The following THOC5 variants were observed in gnomAD, a reference collection of about 807,000 sequenced individuals.
The protein encoded by THOC5 is Fms-interacting protein.
THOC5 carries 43 observed loss-of-function variants against 92.9 expected under a neutral mutation model. The ratio of observed to expected loss-of-function variants is 0.46; its 90% CI spans 0.36 to 0.60. The LOEUF is 0.60. Among genes scored for constraint, THOC5 ranks in the 20% least tolerant of loss-of-function variants. The pLI, the probability that THOC5 is intolerant of heterozygous loss-of-function variation, is 0.00. For synonymous variants in THOC5, 296 were observed against 320.1 expected (o/e 0.92, Z 0.80); for missense variants, 659 against 849.4 (o/e 0.78, Z 2.79).
rs146208331 is a variant in THOC5, at chr22:29,547,948, C to T, written c.96+1104G>A. 5.8e-3 allele frequency among the ~76,000 whole-genome samples: 876 copies of T among 152,244 alleles called. 6 individuals are homozygous for T. The highest frequency in any genetic ancestry group is 8.8e-3 in the Non-Finnish European group (597 of 68,026). On this transcript the variant is annotated intron_variant, in intron 2 of 19. Transcript: ENST00000490103. ...TAACAGTTCCACATGGCTGGTGAGG[C>T]CTCAGGAACATGGCAGGAGGTGAAA...
rs1405370328 is a variant in THOC5, at chr22:29,508,117, A to G, written c.*340T>C. 2 of 250,564 alleles carry G rather than the reference A, an allele frequency of 8.0e-6. No individual in the cohort carries two copies. The highest frequency in any genetic ancestry group is 1.5e-5 in the Non-Finnish European group (2 of 130,216). The allele number at this position is 250,564 out of a possible 1,614,324, so 15.5% of individuals were successfully genotyped here. A position where few individuals can be genotyped will look rare whatever the true frequency, so the allele number is the denominator to read the frequency against. Reference sequence around the variant, plus strand: ...AACTTGGGATAATAAATACAAGATCATGAGGACCTCACCCCGCAAAGCACA... The same window carrying G: ...AACTTGGGATAATAAATACAAGATCGTGAGGACCTCACCCCGCAAAGCACA... On this transcript the variant is annotated 3_prime_UTR_variant, in exon 20 of 20. Coordinates refer to ENST00000490103, the MANE Select transcript of THOC5 (RefSeq NM_003678.5).
At chr22:29,530,789 C>T (rs971376425) in intron 8 of THOC5, among the ~76,000 whole-genome samples, 1 of 152,004 alleles carries the variant, frequency 6.6e-6, no homozygotes, top group Non-Finnish European at 1.5e-5. Context: ...TCAGACAGGC[C>T]ACCACCGTCC....
intron 15 of THOC5, among the ~76,000 whole-genome samples, 165 bp downstream of exon 15, chr22:29,518,841 C>T (rs923504526): frequency 8.5e-5 from 13 of 152,224 alleles, no homozygotes; most frequent in Non-Finnish European, 1.8e-4. Flanking sequence ...CCTGGACAGG[C>T]CTGGAGCTCT....
intron 17 of THOC5, among the ~76,000 whole-genome samples, chr22:29,514,969 T>G (rs1835604435): frequency 6.6e-6 from 1 of 151,842 alleles, no homozygotes; most frequent in Admixed American, 6.6e-5. Flanking sequence ...CCTCCCAAAG[T>G]GCTGGGATTA....
At chr22:29,521,944 C>T (rs1162077325) in intron 12 of THOC5, among the ~76,000 whole-genome samples, 1 of 152,118 alleles carries the variant, frequency 6.6e-6, no homozygotes, top group African/African-American at 2.4e-5. Flanking sequence ...GAACTCCATG[C>T]TAGGACAGTG....
intron 1 of THOC5, chr22:29,550,589 G>A (rs150047166): frequency 6.6e-6 from 1 of 152,214 alleles, no homozygotes; most frequent in Non-Finnish European, 1.5e-5. Flanking sequence ...GGAGCCAATA[G>A]TTTGTCACGG....
At chr22:29,530,249 G>A (rs2063625006) in intron 8 of THOC5, among the ~76,000 whole-genome samples, 1 of 151,868 alleles carries the variant, frequency 6.6e-6, no homozygotes, top group Non-Finnish European at 1.5e-5. Flanking sequence ...TTAATTTTTA[G>A]GCTGGGTGTG....
Position 29,544,635 on chromosome 22 carries a change from A to G in THOC5, c.97-32T>C, listed in dbSNP as rs1389313882. On this transcript the variant is annotated intron_variant, in intron 2 of 19. Coordinates refer to ENST00000490103, the MANE Select transcript of THOC5 (RefSeq NM_003678.5). ...AGGTAAGGATAAAGGCTCTGTGTGC[A>G]TGGGGTAAAAGTCTCCCTGCTGGGA... 4.5e-6 allele frequency: 7 copies of G among 1,552,972 alleles called. No homozygotes were observed. The Admixed American group carries it at 5.6e-5, about 12-fold the overall frequency.
At chr22:29,534,453 G>GTAAATAAA (rs2063715236) in intron 7 of THOC5, 2 of 151,704 alleles carry the variant, frequency 1.3e-5, no homozygotes, top group African/African-American at 4.8e-5. Flanking sequence ...AGTAATATAT[G>GTAAATAAA]GTACACTGTT....
At position 29,511,265 on chromosome 22, in the gene THOC5, T is replaced by C. The variant is rs1157419489; in HGVS notation, c.1829A>G (p.Lys610Arg). 4 of 1,613,956 alleles carry C rather than the reference T, an allele frequency of 2.5e-6. No individual in the cohort carries two copies. The highest frequency in any genetic ancestry group is 3.4e-6 in the Non-Finnish European group (4 of 1,180,016). Residue 610 changes from lysine to arginine, a missense_variant, in exon 19 of 20, where the codon AAG becomes AGG. Lys to Arg is a conservative substitution (Grantham distance 26). Transcript: ENST00000490103. Reference protein sequence around the residue: ...AMEGEVNVCYKELCGPWPSHQ... With the variant: ...AMEGEVNVCYRELCGPWPSHQ... ...GCTGGGCCAAGGGCCACACAGCTCC[T>C]TGTAGCACACATTGACTTCGCCCTC...
At chr22:29,536,568 C>T in intron 7 of THOC5, 56 bp downstream of exon 7, 1 of 1,072,162 alleles carries the variant, frequency 9.3e-7, no homozygotes, top group East Asian at 2.4e-5. Context: ...GGTGACATGA[C>T]TTCTGGCAGC....
chr22:29,506,706 C>T lies in THOC5; in HGVS notation c.*1751G>A, dbSNP rs1321845369. ...AAAAAAATATTCTCCTCAAATGTTA[C>T]CTGGTCTCACTGTCCTGTATCTCTG... On this transcript the variant is annotated 3_prime_UTR_variant, in exon 20 of 20. Transcript: ENST00000490103. 1 of 152,250 alleles carries T rather than the reference C, an allele frequency of 6.6e-6. No individual in the cohort carries two copies. Among genetic ancestry groups the T allele is most frequent in the East Asian group, 1.9e-4 (1 of 5,190 alleles). 9.4% of individuals were successfully genotyped at this position (152,250 alleles called of 1,614,324 possible).
intron 2 of THOC5, among the ~76,000 whole-genome samples, chr22:29,547,301 A>G (rs958264109): frequency 4.6e-5 from 7 of 152,030 alleles, no homozygotes; most frequent in African/African-American, 9.7e-5. Flanking sequence ...GCAGTTTCCA[A>G]TAAGTTCCTC....
chr22:29,520,967 G>C, intron 13 of THOC5, 31 bp downstream of exon 13: 2 of 1,545,302 alleles, frequency 1.3e-6, no homozygotes, highest in Non-Finnish European at 1.8e-6. Flanking sequence ...CAGAAGTAGA[G>C]AGCTCGGAGA....
At chr22:29,551,839 G>A (rs549365282) in intron 1 of THOC5, among the ~76,000 whole-genome samples, 74 of 122,516 alleles carry the variant, frequency 6.0e-4, no homozygotes, top group Admixed American at 1.5e-3. Flanking sequence ...ATGCCGAGCC[G>A]AAGCTGGACT....
At chr22:29,552,095 T>A (rs930771544) in intron 1 of THOC5, among the ~76,000 whole-genome samples, 1 of 152,126 alleles carries the variant, frequency 6.6e-6, no homozygotes, top group Non-Finnish European at 1.5e-5. Flanking sequence ...TGCTCAATGG[T>A]GCCCAGGCTG....
At chr22:29,551,576 C>T (rs1276252119) in intron 1 of THOC5, among the ~76,000 whole-genome samples, 1 of 151,984 alleles carries the variant, frequency 6.6e-6, no homozygotes, top group East Asian at 1.9e-4. Flanking sequence ...AGAGCGAGAC[C>T]CCATCTTTAG....
At chr22:29,545,554 A>G (rs1208936092) in intron 2 of THOC5, among the ~76,000 whole-genome samples, 1 of 152,212 alleles carries the variant, frequency 6.6e-6, no homozygotes, top group Non-Finnish European at 1.5e-5. Flanking sequence ...GCCATTCCAA[A>G]TGGGAGAAAT....
chr22:29,509,378 A>C (rs559749225), intron 19 of THOC5, among the ~76,000 whole-genome samples: 198 of 152,274 alleles, frequency 1.3e-3, no homozygotes, highest in Non-Finnish European at 2.5e-3. Flanking sequence ...CACCCTGGCA[A>C]TGTGCTAGAA....
Sources: allele counts gnomAD v4.1 joint callset (sites outside exome capture counted in the v4.1 genomes callset), GRCh38; gene constraint gnomAD v4.1.1; transcripts MANE v1.5; gene names NCBI Gene and HGNC (gene_info 2026-07-23, HGNC 2026-07-21).